Variants in CCDC30 observed in about 807,000 individuals in gnomAD.
CCDC30 encodes the protein coiled-coil domain-containing protein 30.
Under a neutral mutation model 100.2 loss-of-function variants are expected in CCDC30, and 70 were observed. The ratio of observed to expected loss-of-function variants is 0.70; its 90% confidence interval spans 0.58 to 0.85. CCDC30 has a LOEUF of 0.85. Ranked by LOEUF, CCDC30 falls within the 40% of genes least tolerant of loss-of-function variation. The probability of loss-of-function intolerance (pLI) is 0.00; values close to 1 mark genes in which losing one functional copy is unlikely to be tolerated. For synonymous variants in CCDC30, 233 were observed against 269.5 expected (o/e 0.86, Z 1.33); for missense variants, 652 against 771.2 (o/e 0.85, Z 1.83).
intron 1 of CCDC30, among the ~76,000 whole-genome samples, chr1:42,470,286 A>G (rs1057168585): frequency 8.6e-5 from 5 of 58,420 alleles, no homozygotes; most frequent in Non-Finnish European, 3.5e-5. Flanking sequence ...ACCCATTAGG[A>G]TGGCTATTTT....
At chr1:42,574,139 T>G (rs925655361) in intron 7 of CCDC30, among the ~76,000 whole-genome samples, 7 of 152,120 alleles carry the variant, frequency 4.6e-5, no homozygotes, top group Admixed American at 2.6e-4. Context: ...TAAAAATGGG[T>G]AATATACCCT....
chr1:42,578,588 A>G (rs1645892791), intron 8 of CCDC30, among the ~76,000 whole-genome samples: 2 of 152,234 alleles, frequency 1.3e-5, no homozygotes, highest in African/African-American at 4.8e-5. Flanking sequence ...TAAAACTTAG[A>G]CAATACTAAA....
chr1:42,652,898 C>A (rs374503223), intron 15 of CCDC30, among the ~76,000 whole-genome samples: 5 of 152,254 alleles, frequency 3.3e-5, no homozygotes, highest in African/African-American at 1.2e-4. Context: ...GGGGAGTAGA[C>A]TGCTCCTGGG....
intron 16 of CCDC30, among the ~76,000 whole-genome samples, 182 bp downstream of exon 20, chr1:42,653,625 CAACTCTA>C (rs1241575219): frequency 6.6e-6 from 1 of 152,146 alleles, no homozygotes; most frequent in African/African-American, 2.4e-5. Flanking sequence ...GCCACTCCTT[CAACTCTA>C]AACCCCACAG....
At chr1:42,536,852 T>C (rs1225161153) in intron 6 of CCDC30, 3 of 445,842 alleles carry the variant, frequency 6.7e-6, no homozygotes, top group Non-Finnish European at 1.2e-5. Context: ...ATGGCCACCT[T>C]CTTGCTGTGT....
intron 6 of CCDC30, 66 bp from the exon 11 acceptor site, chr1:42,566,228 CTT>C: frequency 7.9e-7 from 1 of 1,271,548 alleles, no homozygotes; most frequent in South Asian, 1.4e-5. Context: ...GTTCTGACAA[CTT>C]GAACCCATGT....
At chr1:42,535,367 G>A (rs912452130) in intron 6 of CCDC30, among the ~76,000 whole-genome samples, 5 of 151,824 alleles carry the variant, frequency 3.3e-5, no homozygotes, top group African/African-American at 1.2e-4. Flanking sequence ...TTTAATATGA[G>A]GAACTAAGGC....
intron 3 of CCDC30, among the ~76,000 whole-genome samples, chr1:42,487,631 C>T (rs751703397): frequency 6.6e-6 from 1 of 152,106 alleles, no homozygotes; most frequent in Non-Finnish European, 1.5e-5. Flanking sequence ...GGAGATTCTA[C>T]ATTAATGACT....
intron 6 of CCDC30, among the ~76,000 whole-genome samples, chr1:42,525,326 A>G (rs1353608519): frequency 2.6e-5 from 4 of 151,980 alleles, no homozygotes; most frequent in Non-Finnish European, 5.9e-5. Flanking sequence ...TTTTTTCCCC[A>G]GTTTTTCTCT....
At chr1:42,638,559 CAAAAA>C (rs55773821) in intron 12 of CCDC30, among the ~76,000 whole-genome samples, 3 of 116,404 alleles carry the variant, frequency 2.6e-5, no homozygotes, top group Admixed American at 8.9e-5. Flanking sequence ...CACCCATGGG[CAAAAA>C]AAAAAAAAAA....
At chr1:42,503,040 A>G (rs766093502) in intron 6 of CCDC30, among the ~76,000 whole-genome samples, 15 of 151,830 alleles carry the variant, frequency 9.9e-5, no homozygotes, top group Non-Finnish European at 2.1e-4. Flanking sequence ...GCACCACCAC[A>G]CTCAACTAAT....
intron 6 of CCDC30, chr1:42,539,205 C>T: frequency 6.2e-7 from 1 of 1,604,694 alleles, no homozygotes; most frequent in Non-Finnish European, 8.5e-7. Context: ...AGCTTATATG[C>T]CTTTATAATG....
intron 9 of CCDC30, among the ~76,000 whole-genome samples, chr1:42,586,103 A>G (rs1646063752): frequency 6.6e-6 from 1 of 152,236 alleles, no homozygotes; most frequent in Admixed American, 6.5e-5. Context: ...AGCTTAAGAA[A>G]GACTTCCTCA....
intron 6 of CCDC30, among the ~76,000 whole-genome samples, chr1:42,510,409 A>C (rs1027887470): frequency 6.6e-6 from 1 of 152,184 alleles, no homozygotes; most frequent in Admixed American, 6.5e-5. Flanking sequence ...CTGTAATCCC[A>C]GCACTTTGGG....
At chr1:42,654,212 C>A (rs1648581582), downstream of CCDC30, 4 of 589,120 alleles carry the variant, frequency 6.8e-6, no homozygotes, top group Non-Finnish European at 1.2e-5. Flanking sequence ...TGTTTGATAT[C>A]CTCAGATGCC....
At chr1:42,498,823 A>G (rs910926710) in exon 6 of CCDC30, 1 of 1,232,074 alleles carries the variant, frequency 8.1e-7, no homozygotes, top group African/African-American at 1.5e-5. Context: ...TTAAGGTTGA[A>G]AGACTTAAAG....
rs373430748 is a variant in CCDC30, at chr1:42,589,311, T to C, written c.1002-10T>C. On this transcript the variant is annotated splice_polypyrimidine_tract_variant and intron_variant, in intron 9 of 16. Coordinates refer to ENST00000668663, the Ensembl canonical transcript of CCDC30. ...CATGGTGTGATTTAATCTACATTAA[T>C]TGCCCTCAGGAAACTTCTATATCAG... 1.6e-4 allele frequency: 259 copies of C among 1,576,432 alleles called. No homozygotes were observed. The Middle Eastern group carries it at 2.4e-3, about 14-fold the overall frequency.
intron 16 of CCDC30, 43 bp from the exon 21 acceptor site, chr1:42,653,775 C>T: frequency 6.7e-7 from 1 of 1,490,068 alleles, no homozygotes. Flanking sequence ...CTGCTACCAA[C>T]AAACTCTATG....
chr1:42,626,642 G>A (rs1646939223), intron 11 of CCDC30, among the ~76,000 whole-genome samples: 1 of 152,092 alleles, frequency 6.6e-6, no homozygotes, highest in African/African-American at 2.4e-5. Flanking sequence ...ACATGTTGTG[G>A]GAGGGACCCA....
Sources: allele counts gnomAD v4.1 joint callset (sites outside exome capture counted in the v4.1 genomes callset), GRCh38; gene constraint gnomAD v4.1.1; transcripts MANE v1.5; gene names NCBI Gene and HGNC (gene_info 2026-07-23, HGNC 2026-07-21).